Variants in CDH4 observed in about 807,000 individuals in gnomAD.
The protein encoded by CDH4 is cadherin 4, also known as cadherin-4.
A neutral mutation model predicts 86.0 loss-of-function variants in CDH4; 33 were observed. The ratio of observed to expected loss-of-function variants is 0.38; its 90% CI spans 0.29 to 0.51. The LOEUF is 0.51. Ranked by LOEUF, CDH4 falls within the 20% of genes least tolerant of loss-of-function variation. CDH4 has a pLI of 0.86. For synonymous variants in CDH4, 555 were observed against 549.4 expected, an observed-to-expected ratio of 1.01 and a Z score of -0.14; for missense variants, 1,114 against 1,307.4, an observed-to-expected ratio of 0.85 and a Z score of 2.28.
At chr20:61,931,789 G>A (rs1035649670) in intron 13 of CDH4, among the ~76,000 whole-genome samples, 4 of 152,144 alleles carry the variant, frequency 2.6e-5, no homozygotes, top group Non-Finnish European at 5.9e-5. Flanking sequence ...ACGGACCTCG[G>A]AAGGCAGGAA....
intron 2 of CDH4, among the ~76,000 whole-genome samples, chr20:61,492,955 A>C (rs2085636540): frequency 6.6e-6 from 1 of 152,146 alleles, no homozygotes; most frequent in Admixed American, 6.5e-5. Context: ...GTGGATGGAG[A>C]ATCATTTTCA....
chr20:61,922,036 G>T (rs1740371), intron 9 of CDH4, among the ~76,000 whole-genome samples: 130,596 of 152,182 alleles, frequency 0.86, 57,022 homozygotes, highest in Non-Finnish European at 0.95. Context: ...TACACAGAGG[G>T]TGTTCTCTTT....
chr20:61,767,826 G>T (rs1017302672), intron 3 of CDH4, among the ~76,000 whole-genome samples: 1 of 152,174 alleles, frequency 6.6e-6, no homozygotes, highest in East Asian at 1.9e-4. Flanking sequence ...AACACTCATG[G>T]GAGATAAAAG....
chr20:61,372,799 A>G (rs1043881238), intron 2 of CDH4, among the ~76,000 whole-genome samples: 2 of 152,230 alleles, frequency 1.3e-5, no homozygotes, highest in Non-Finnish European at 2.9e-5. Context: ...GCCGACTCCT[A>G]GTAGCAGGAC....
chr20:61,274,580 G>C (rs1364856099), intron 2 of CDH4, among the ~76,000 whole-genome samples: 1 of 25,496 alleles, frequency 3.9e-5, no homozygotes, highest in Non-Finnish European at 1.2e-4. Flanking sequence ...ACAGCTTGGG[G>C]GAGTACTGTG....
At chr20:61,858,826 A>G (rs1113604) in intron 6 of CDH4, among the ~76,000 whole-genome samples, 113,575 of 152,118 alleles carry the variant, frequency 0.75, 43,507 homozygotes, top group South Asian at 0.87. Context: ...GACGCTGGGC[A>G]GTTTCAACTC....
intron 2 of CDH4, among the ~76,000 whole-genome samples, chr20:61,267,366 C>G (rs1021333556): frequency 2.0e-5 from 3 of 152,142 alleles, no homozygotes; most frequent in African/African-American, 7.2e-5. Flanking sequence ...CTCCGATTCC[C>G]CAGGGGCTGC....
Position 61,879,816 on chromosome 20 carries a change from G to C in CDH4, c.1050+5916G>C, listed in dbSNP as rs923221839. Among the ~76,000 whole-genome samples, 3 of 152,174 alleles carry C rather than the reference G, an allele frequency of 2.0e-5. No homozygotes were observed. Among genetic ancestry groups the C allele is most frequent in the African/African-American group, 7.2e-5 (3 of 41,450 alleles). ...GCACCGGGCCAGCATTGTTCTCAGC[G>C]TCCCTTCCAGGCTGCTCCCGAGGAT... On this transcript the variant is annotated intron_variant, in intron 7 of 15. Transcript: ENST00000614565. This position sits in a 1 kb window ranked among gnomAD's most constrained non-coding sequence, Gnocchi z 4.1.
chr20:61,628,113 C>A (rs989892119), intron 2 of CDH4, among the ~76,000 whole-genome samples: 1 of 152,156 alleles, frequency 6.6e-6, no homozygotes, highest in Admixed American at 6.5e-5. Context: ...CTGGCATCGC[C>A]GCAGACATCC....
In CDH4 at chr20:61,709,211, G is replaced by C. The variant is rs1474752730; in HGVS notation, c.170-34352G>C. ...ATGCAGGAAACTGGGGCCAGGCTGG[G>C]CCACTGTCAGGGGTTTTGCTGTCCA... On this transcript the variant is annotated intron_variant, in intron 2 of 15. Transcript: ENST00000614565. The surrounding 1 kb of genome is among the most constrained non-coding windows in gnomAD (Gnocchi z 4.8). Among the ~76,000 whole-genome samples, 1 of 152,180 alleles carries C rather than the reference G, an allele frequency of 6.6e-6. No individual in the cohort carries two copies. The highest frequency in any genetic ancestry group is 1.9e-4 in the East Asian group (1 of 5,186).
intron 2 of CDH4, among the ~76,000 whole-genome samples, chr20:61,297,940 C>T (rs79613944): frequency 0.02 from 3,042 of 152,312 alleles, 92 homozygotes; most frequent in East Asian, 0.13. Flanking sequence ...TCTGCGCCAC[C>T]GCAAAATGCC....
chr20:61,509,514 G>A (rs956952816), intron 2 of CDH4, among the ~76,000 whole-genome samples: 5 of 149,000 alleles, frequency 3.4e-5, no homozygotes, highest in African/African-American at 5.0e-5. Flanking sequence ...AAGGGAAGCC[G>A]AGCATGTGAA....
intron 2 of CDH4, among the ~76,000 whole-genome samples, chr20:61,571,491 G>A (rs1347811795): frequency 1.3e-5 from 2 of 152,146 alleles, no homozygotes; most frequent in Non-Finnish European, 2.9e-5. Context: ...TCAGAGCACG[G>A]CAGGTGCCCC....
chr20:61,924,806 T>A (rs2055027119), intron 11 of CDH4, among the ~76,000 whole-genome samples: 1 of 152,180 alleles, frequency 6.6e-6, no homozygotes, highest in African/African-American at 2.4e-5. Context: ...AGGGCACTGG[T>A]CATCCCAGGC....
chr20:61,792,942 C>T (rs919406922), intron 4 of CDH4, among the ~76,000 whole-genome samples: 2 of 151,326 alleles, frequency 1.3e-5, no homozygotes, highest in East Asian at 3.9e-4. Context: ...AGCCACCGTG[C>T]CTGGCCTATG....
At chr20:61,716,906 T>C (rs2087962370) in intron 2 of CDH4, among the ~76,000 whole-genome samples, 1 of 152,012 alleles carries the variant, frequency 6.6e-6, no homozygotes, top group South Asian at 2.1e-4. Flanking sequence ...AGCCTCTATC[T>C]CAAAAAAATA....
At chr20:61,317,405 C>T (rs953639884) in intron 2 of CDH4, among the ~76,000 whole-genome samples, 2 of 152,224 alleles carry the variant, frequency 1.3e-5, no homozygotes, top group Non-Finnish European at 2.9e-5. Flanking sequence ...GGTGCCTGCA[C>T]TGTAAATTCT....
chr20:61,746,486 G>A (rs913569819), intron 3 of CDH4, among the ~76,000 whole-genome samples: 3 of 152,214 alleles, frequency 2.0e-5, no homozygotes, highest in African/African-American at 7.2e-5. Flanking sequence ...AGGGTGCTGA[G>A]CATGTGACCA....
chr20:61,330,999 G>C (rs1406087852), intron 2 of CDH4, among the ~76,000 whole-genome samples: 1 of 152,072 alleles, frequency 6.6e-6, no homozygotes, highest in African/African-American at 2.4e-5. Context: ...GTTATAAGGT[G>C]GCCATTTTGG....
Sources: allele counts gnomAD v4.1 joint callset (sites outside exome capture counted in the v4.1 genomes callset), GRCh38; gene constraint gnomAD v4.1.1; non-coding constraint Gnocchi (gnomAD v3.1); transcripts MANE v1.5; gene names NCBI Gene and HGNC (gene_info 2026-07-23, HGNC 2026-07-21).